TWIST2: variants seen among roughly 807,000 people sequenced by gnomAD.
The protein encoded by TWIST2 is twist family bHLH transcription factor 2.
A neutral mutation model predicts 11.6 loss-of-function variants in TWIST2; 1 was observed. That is an observed-to-expected ratio of 0.09 (90% CI 0.03 to 0.41). The LOEUF (loss-of-function observed/expected upper bound fraction) is 0.41, where lower values mean the gene tolerates loss of function less well. Ranked by LOEUF, TWIST2 falls within the 10% of genes least tolerant of loss-of-function variation. The pLI is 0.98. For missense variants in TWIST2, 168 were observed against 226.4 expected, an observed-to-expected ratio of 0.74 and a Z score of 1.66; for synonymous variants, 87 against 96.6, an observed-to-expected ratio of 0.90 and a Z score of 0.58.
chr2:238,892,803 C>T (rs942296649), intron 1 of TWIST2, among the ~76,000 whole-genome samples: 25 of 152,258 alleles, frequency 1.6e-4, no homozygotes, highest in African/African-American at 5.5e-4. Context: ...TTTTTCCAAT[C>T]ACCACCACAG....
chr2:238,907,739 C>T (rs910096349), intron 1 of TWIST2, among the ~76,000 whole-genome samples: 13 of 136,816 alleles, frequency 9.5e-5, no homozygotes, highest in Admixed American at 4.4e-4. Flanking sequence ...CACACATAAA[C>T]GCACACAACA....
chr2:238,901,506 C>T (rs1411974132), intron 1 of TWIST2, among the ~76,000 whole-genome samples: 2 of 152,214 alleles, frequency 1.3e-5, no homozygotes, highest in African/African-American at 2.4e-5. Context: ...GATCCCTGTG[C>T]GGAGGCCTCT....
intron 1 of TWIST2, among the ~76,000 whole-genome samples, chr2:238,849,681 T>A (rs1229223808): frequency 6.6e-6 from 1 of 152,212 alleles, no homozygotes; most frequent in Non-Finnish European, 1.5e-5. Context: ...GGGACACAGC[T>A]GCCAGGAGCA....
chr2:238,889,594 G>C (rs911748176), intron 1 of TWIST2, among the ~76,000 whole-genome samples: 1 of 152,172 alleles, frequency 6.6e-6, no homozygotes, highest in African/African-American at 2.4e-5. Flanking sequence ...TTGTTGTTGA[G>C]TTGTCTCATC....
intron 1 of TWIST2, among the ~76,000 whole-genome samples, chr2:238,902,353 G>A (rs1250082999): frequency 2.0e-5 from 3 of 150,570 alleles, no homozygotes; most frequent in Non-Finnish European, 3.0e-5. Flanking sequence ...TTGGGTTTGT[G>A]TGAATCGGAG....
chr2:238,879,499 C>T (rs184922611), intron 1 of TWIST2, among the ~76,000 whole-genome samples: 4 of 152,350 alleles, frequency 2.6e-5, no homozygotes, highest in Non-Finnish European at 4.4e-5. Context: ...AGGCCACACT[C>T]ACCACTCCTT....
rs1437754128 is a variant in TWIST2, at chr2:238,906,377, CACTT to C, written c.*36-3462_*36-3459del. Among the ~76,000 whole-genome samples, 258 of 151,952 alleles carry C rather than the reference CACTT, an allele frequency of 1.7e-3. 1 individual carries two copies. The highest frequency in any genetic ancestry group is 4.3e-3 in the Admixed American group (66 of 15,280). The stretch of plus-strand genomic sequence containing the variant: ...ACGGACCCACTCACGTGGATGTACA[CACTT>C]ACAAACATGCACACCAGCACTTCCA... On this transcript the variant is annotated intron_variant, in intron 1 of 1. Transcript: ENST00000612363.
intron 1 of TWIST2, among the ~76,000 whole-genome samples, chr2:238,905,447 G>A (rs992612646): frequency 6.6e-6 from 1 of 152,100 alleles, no homozygotes; most frequent in African/African-American, 2.4e-5. Context: ...ACATGGCTGG[G>A]GTCAGGGTGA....
At chr2:238,861,735 C>CG (rs1692440572) in intron 1 of TWIST2, among the ~76,000 whole-genome samples, 1 of 152,210 alleles carries the variant, frequency 6.6e-6, no homozygotes, top group Non-Finnish European at 1.5e-5. Flanking sequence ...CATGGTTTCG[C>CG]TTTTCGAAGT....
chr2:238,880,808 A>G (rs1023965620), intron 1 of TWIST2, among the ~76,000 whole-genome samples: 1 of 124,880 alleles, frequency 8.0e-6, no homozygotes, highest in Admixed American at 8.6e-5. Context: ...AGTATTTATT[A>G]GTATTAGTGT....
In TWIST2 at chr2:238,848,713, C is replaced by T; in HGVS notation, c.*15C>T. 1 of 1,487,362 alleles carries T rather than the reference C, an allele frequency of 6.7e-7. No homozygotes were observed. The highest frequency in any genetic ancestry group is 8.9e-7 in the Non-Finnish European group (1 of 1,120,116). 92.1% of individuals were successfully genotyped at this position (1,487,362 alleles called of 1,614,324 possible). A position where few individuals can be genotyped will look rare whatever the true frequency, so the allele number is the denominator to read the frequency against. On this transcript the variant is annotated 3_prime_UTR_variant, in exon 1 of 2. Coordinates refer to ENST00000612363, the MANE Select transcript of TWIST2 (RefSeq NM_001271893.4). The stretch of plus-strand genomic sequence containing the variant: ...CCTCCCACTAGCGCCGCGCCACCCA[C>T]CTCCGGACCGGCGCGCCAGGGTAGG...
At chr2:238,885,820 C>T (rs1385300252) in intron 1 of TWIST2, among the ~76,000 whole-genome samples, 1 of 152,032 alleles carries the variant, frequency 6.6e-6, no homozygotes, top group Non-Finnish European at 1.5e-5. Context: ...ACCTGTAATC[C>T]TAGCACTTTG....
chr2:238,849,132 C>T lies in TWIST2; in HGVS notation c.*35+399C>T, dbSNP rs542007610. Among the ~76,000 whole-genome samples, 9 of 152,302 alleles carry T rather than the reference C, an allele frequency of 5.9e-5. No homozygotes were observed. In the South Asian group the frequency reaches 1.9e-3, roughly 32 times the overall value. On this transcript the variant is annotated intron_variant, in intron 1 of 1. Transcript: ENST00000612363. ...TATGAGGACCAGCTGCCCTTTGCGT[C>T]CGCCGCAGCGCAGGCCGCCCGCGAA...
intron 1 of TWIST2, among the ~76,000 whole-genome samples, chr2:238,906,463 C>T (rs919179595): frequency 6.6e-6 from 1 of 152,120 alleles, no homozygotes; most frequent in South Asian, 2.1e-4. Flanking sequence ...TGCATACTGA[C>T]ACTCCCACAG....
At chr2:238,854,735 C>T (rs1692299425) in intron 1 of TWIST2, among the ~76,000 whole-genome samples, 1 of 152,142 alleles carries the variant, frequency 6.6e-6, no homozygotes, top group Admixed American at 6.5e-5. Context: ...GATTTTGGCC[C>T]GCTTCCGAGG....
intron 1 of TWIST2, among the ~76,000 whole-genome samples, chr2:238,858,196 G>C (rs1692364471): frequency 6.6e-6 from 1 of 152,144 alleles, no homozygotes; most frequent in African/African-American, 2.4e-5. Flanking sequence ...GTGCATTTCT[G>C]CCTCCCTGGG....
intron 1 of TWIST2, among the ~76,000 whole-genome samples, chr2:238,872,166 T>A (rs1003152534): frequency 6.6e-6 from 1 of 152,194 alleles, no homozygotes; most frequent in Admixed American, 6.5e-5. Flanking sequence ...GCCCCCATGC[T>A]CTCTATCCCA....
rs1192863771 is a variant in TWIST2, at chr2:238,909,137, G to T, written c.*36-705G>T. Reference sequence around the variant, plus strand: ...TATGTGGGGTGGGGTGTGTTCGTGGGTGTGGTATGTGTATGTGGTGTGTAG... The same window carrying T: ...TATGTGGGGTGGGGTGTGTTCGTGGTTGTGGTATGTGTATGTGGTGTGTAG... On this transcript the variant is annotated intron_variant, in intron 1 of 1. Transcript: ENST00000612363. Among the ~76,000 whole-genome samples, 882 of 115,542 alleles carry T rather than the reference G, an allele frequency of 7.6e-3. 39 individuals are homozygous for T. The highest frequency in any genetic ancestry group is 0.013 in the Middle Eastern group (3 of 224). 75.8% of individuals were successfully genotyped at this position (115,542 alleles called of 152,430 possible).
intron 1 of TWIST2, among the ~76,000 whole-genome samples, chr2:238,883,831 G>A (rs1574762211): frequency 6.6e-6 from 1 of 152,190 alleles, no homozygotes; most frequent in Non-Finnish European, 1.5e-5. Flanking sequence ...TTTCCCAGCT[G>A]TAAGATGCAC....
Sources: gnomAD v4.1 joint callset for allele counts (sites outside exome capture counted in the v4.1 genomes callset) on GRCh38, gnomAD v4.1.1 for gene constraint, MANE v1.5 for transcripts, NCBI Gene and HGNC (gene_info 2026-07-23, HGNC 2026-07-21) for gene names.